The following MAP3K15 variants were observed in gnomAD, a reference collection of about 807,000 sequenced individuals.
MAP3K15 encodes mitogen-activated protein kinase kinase kinase 15.
Under a neutral mutation model 99.5 loss-of-function variants are expected in MAP3K15, and 124 were observed. The ratio of observed to expected loss-of-function variants is 1.25; its 90% CI spans 1.08 to 1.45. The LOEUF (loss-of-function observed/expected upper bound fraction) is 1.45, where lower values mean the gene tolerates loss of function less well. MAP3K15 is among the 40% of genes most tolerant of loss of function. The pLI, the probability that MAP3K15 is intolerant of heterozygous loss-of-function variation, is 0.00. For missense variants in MAP3K15, 1,242 were observed against 1,079.7 expected (o/e 1.15, Z -2.11); for synonymous variants, 494 against 439.6 (o/e 1.12, Z -1.55).
intron 13 of MAP3K15, among the ~76,000 whole-genome samples, chrX:19,402,086 G>A (rs923232628): frequency 6.4e-5 from 7 of 109,402 alleles, no homozygotes; most frequent in African/African-American, 1.3e-4. Flanking sequence ...CCAGGAGTTC[G>A]AGACCAACCT....
At chrX:19,406,680 A>G (rs928264349) in intron 13 of MAP3K15, among the ~76,000 whole-genome samples, 5 of 112,653 alleles carry the variant, frequency 4.4e-5, no homozygotes, top group Admixed American at 9.4e-5. Context: ...AACTATGACT[A>G]TACTAAAAAA....
rs1602287215 is a variant in MAP3K15 at position 19,415,130 on chromosome X, C to A, written c.1567G>T (p.Val523Phe). Reference sequence around the variant, plus strand: ...ACTGGAAATCTGAGTCCATTAGTGACTTCATTTGTTGCCTCAAAAATTATA... The same window carrying A: ...ACTGGAAATCTGAGTCCATTAGTGAATTCATTTGTTGCCTCAAAAATTATA... Reference protein sequence around the residue: ...LDIIFEATNEVTNGLRFPVLV... With the variant: ...LDIIFEATNEFTNGLRFPVLV... The change falls in exon 10 of 29, where the codon GTC (valine) becomes TTC (phenylalanine). Residue 523 changes from valine (V) to phenylalanine (F), a missense_variant. By Grantham distance (50) the Val-to-Phe change is conservative (BLOSUM62 -1). Transcript: ENST00000338883. The A allele has an allele frequency of 8.5e-7, 1 of 1,169,602 alleles. No homozygotes were observed. Among genetic ancestry groups the A allele is most frequent in the Non-Finnish European group, 1.1e-6 (1 of 880,637 alleles).
intron 1 of MAP3K15, among the ~76,000 whole-genome samples, chrX:19,490,702 T>G (rs976279044): frequency 2.8e-5 from 3 of 108,354 alleles, no homozygotes; most frequent in Non-Finnish European, 5.7e-5. Context: ...TGAGCTGTGA[T>G]CATGCCACTG....
At chrX:19,444,939 AC>A (rs781383471) in intron 6 of MAP3K15, among the ~76,000 whole-genome samples, 168 of 109,020 alleles carry the variant, frequency 1.5e-3, no homozygotes, top group Non-Finnish European at 2.4e-3. Flanking sequence ...GGAGTGTCCC[AC>A]CCCCAGGGCA....
In MAP3K15 at chrX:19,425,663, C is replaced by T; in HGVS notation, c.1307G>A (p.Arg436Lys). 8.3e-7 allele frequency: 1 copy of T among 1,198,981 alleles called. No homozygotes were observed. Residue 436 changes from arginine (R) to lysine (K), a missense_variant, in exon 9 of 29, where the codon AGA becomes AAA. By Grantham distance (26) the Arg-to-Lys change is conservative (BLOSUM62 2). Coordinates refer to ENST00000338883, the MANE Select transcript of MAP3K15 (RefSeq NM_001001671.4). Reference sequence around the variant, plus strand: ...GTTCATTTTCTCCAAGCTCCCTTTTCTTCCCAACAAACTGTTCAGCCGGAC... The same window carrying T: ...GTTCATTTTCTCCAAGCTCCCTTTTTTTCCCAACAAACTGTTCAGCCGGAC... ...IGVRLNSLLG[R>K]KGSLEKMNNY...
At position 19,408,204 on chromosome X, in the gene MAP3K15, C is replaced by T. The variant is rs376130887; in HGVS notation, c.1749-921G>A. 1.4e-4 allele frequency among the ~76,000 whole-genome samples: 16 copies of T among 111,444 alleles called. No homozygotes were observed. In the East Asian group the frequency reaches 2.0e-3, roughly 14 times the overall value. ...TATACTCTTCAGGTCACATGGGTCCCGGGGAGGGGTGGGGCGAGGATGATA... is the reference window on the plus strand; with the variant it reads ...TATACTCTTCAGGTCACATGGGTCCTGGGGAGGGGTGGGGCGAGGATGATA... On this transcript the variant is annotated intron_variant, in intron 12 of 28. Transcript: ENST00000338883.
chrX:19,406,942 C>A (rs1296723490), intron 13 of MAP3K15, among the ~76,000 whole-genome samples: 1 of 111,975 alleles, frequency 8.9e-6, no homozygotes, highest in Non-Finnish European at 1.9e-5. Context: ...CTCAGGTGAT[C>A]CACCCTCCTC....
rs1227688533 is a variant in MAP3K15, at chrX:19,514,854, T to G, written c.361+47A>C. Reference sequence around the variant, plus strand: ...GGCGGGGCGGGTGCCCTGGCTCGTGTGAGGGTAGGTGAACTGGGACTGAGG... The same window carrying G: ...GGCGGGGCGGGTGCCCTGGCTCGTGGGAGGGTAGGTGAACTGGGACTGAGG... On this transcript the variant is annotated intron_variant, in intron 1 of 28. Transcript: ENST00000338883. 1.9e-5 allele frequency: 14 copies of G among 750,243 alleles called. No individual in the cohort carries two copies. The Admixed American group carries it at 2.8e-4, about 15-fold the overall frequency. The allele number at this position is 750,243 out of a possible 1,213,427, so 61.8% of individuals were successfully genotyped here.
In MAP3K15 at chrX:19,464,403, A is replaced by G; in HGVS notation, c.529T>C (p.Ser177Pro). The G allele has an allele frequency of 8.5e-7, 1 of 1,178,294 alleles. No homozygotes were observed. Among genetic ancestry groups the G allele is most frequent in the Middle Eastern group, 2.3e-4 (1 of 4,263 alleles). ...KDMVTQKNTA[S>P]SGNYYFIPYI... ...GGGATGAAATAATAATTTCCACTGG[A>G]TGCCTGGAAAAAAGAAACAAAGATG... The change falls in exon 4 of 29, where the codon TCC becomes CCC. Residue 177 changes from serine to proline, a missense_variant. Physicochemically the swap from Ser to Pro is moderately conservative, Grantham distance 74. Coordinates refer to ENST00000338883, the MANE Select transcript of MAP3K15 (RefSeq NM_001001671.4).
Position 19,436,690 on chromosome X carries a change from C to A in MAP3K15, c.996-5082G>T, listed in dbSNP as rs746365465. Among the ~76,000 whole-genome samples the A allele has an allele frequency of 4.5e-5, 5 of 110,723 alleles. 1 individual carries two copies. The East Asian group carries it at 1.4e-3, about 31-fold the overall frequency. ...GTCCCAAATCAAACTTTTTTTTGTC[C>A]CCCTCAGACAGAGTCTCAACTCTGT... is the stretch of plus-strand genomic sequence containing the variant. On this transcript the variant is annotated intron_variant, in intron 6 of 28. Transcript: ENST00000338883.
intron 18 of MAP3K15, among the ~76,000 whole-genome samples, chrX:19,384,915 T>C (rs1329106442): frequency 9.0e-6 from 1 of 110,823 alleles, no homozygotes; most frequent in Non-Finnish European, 1.9e-5. Flanking sequence ...AAATAGTCTA[T>C]ATACCCCATA....
At chrX:19,503,080 G>C (rs1403262079) in intron 1 of MAP3K15, among the ~76,000 whole-genome samples, 1 of 111,516 alleles carries the variant, frequency 9.0e-6, no homozygotes, top group African/African-American at 3.3e-5. Flanking sequence ...GGGCAAATCT[G>C]AGAAACATTT....
intron 6 of MAP3K15, among the ~76,000 whole-genome samples, chrX:19,447,633 C>CA (rs775765727): frequency 9.2e-6 from 1 of 108,441 alleles, no homozygotes; most frequent in Non-Finnish European, 1.9e-5. Context: ...CCTGTAATCC[C>CA]AGCACTTTGG....
At chrX:19,443,022 CTTTTTTTTTTT>C (rs35963207) in intron 6 of MAP3K15, among the ~76,000 whole-genome samples, 428 of 17,232 alleles carry the variant, frequency 0.025, 33 homozygotes, top group East Asian at 0.2. Flanking sequence ...CCATGCCCGG[CTTTTTTTTTTT>C]TTTTTTTTTT....
At chrX:19,456,177 C>T (rs923452910) in intron 6 of MAP3K15, among the ~76,000 whole-genome samples, 9 of 111,468 alleles carry the variant, frequency 8.1e-5, no homozygotes, top group African/African-American at 2.9e-4. Flanking sequence ...GTAGAAAAAG[C>T]ATGTACAGCA....
chrX:19,387,077 T>TA (rs937558130), intron 18 of MAP3K15, among the ~76,000 whole-genome samples: 3 of 112,105 alleles, frequency 2.7e-5, no homozygotes, highest in African/African-American at 9.7e-5. Flanking sequence ...GGGACTACCC[T>TA]AGTTGACCTG....
intron 3 of MAP3K15, among the ~76,000 whole-genome samples, chrX:19,471,959 A>G (rs2147374820): frequency 8.9e-6 from 1 of 111,902 alleles, no homozygotes; most frequent in Non-Finnish European, 1.9e-5. Context: ...GCGGTGGCTC[A>G]CGCCTGTAAT....
intron 1 of MAP3K15, among the ~76,000 whole-genome samples, chrX:19,504,947 C>T (rs1249851341): frequency 9.0e-5 from 8 of 89,052 alleles, no homozygotes; most frequent in African/African-American, 4.0e-4. Context: ...CAGAGCGAGA[C>T]CTCCTCTCAA....
In MAP3K15 at chrX:19,464,276, G is replaced by T. The variant is rs1409189023; in HGVS notation, c.656C>A (p.Pro219Gln). Reference protein sequence around the residue: ...MQPNWDNILGPLCMPLVDRFI... With the variant: ...MQPNWDNILGQLCMPLVDRFI... Reference sequence around the variant, plus strand: ...CCTGTCCACCAAAGGCATGCACAGCGGGCCCAGGATGTTGTCCCAGTTGGG... The same window carrying T: ...CCTGTCCACCAAAGGCATGCACAGCTGGCCCAGGATGTTGTCCCAGTTGGG... The change falls in exon 4 of 29, where the codon CCG becomes CAG. Residue 219 changes from proline (P) to glutamine (Q), a missense_variant. Physicochemically the swap from Pro to Gln is moderately conservative, Grantham distance 76. Coordinates refer to ENST00000338883, the MANE Select transcript of MAP3K15 (RefSeq NM_001001671.4). The T allele has an allele frequency of 3.3e-6, 4 of 1,197,920 alleles. 1 individual carries two copies. Among genetic ancestry groups the T allele is most frequent in the Non-Finnish European group, 3.4e-6 (3 of 894,820 alleles).
Sources: allele counts gnomAD v4.1 joint callset (sites outside exome capture counted in the v4.1 genomes callset), GRCh38; gene constraint gnomAD v4.1.1; transcripts MANE v1.5; gene names NCBI Gene and HGNC (gene_info 2026-07-23, HGNC 2026-07-21).